LAMA2: variants seen among roughly 807,000 people sequenced by gnomAD.
LAMA2 encodes laminin subunit alpha-2.
Under a neutral mutation model 364.8 loss-of-function variants are expected in LAMA2, and 269 were observed. That is an observed-to-expected ratio of 0.74 (90% confidence interval 0.67 to 0.82). The LOEUF is 0.82. Ranked by LOEUF, LAMA2 falls within the 40% of genes least tolerant of loss-of-function variation. The pLI is 0.00. For synonymous variants in LAMA2, 1,379 were observed against 1,370.6 expected (o/e 1.01, Z -0.14); for missense variants, 3,807 against 3,873.2 (o/e 0.98, Z 0.45).
chr6:129,393,332 A>C (rs952167280), intron 37 of LAMA2, 77 bp downstream of exon 37: 10 of 1,033,852 alleles, frequency 9.7e-6, no homozygotes, highest in Non-Finnish European at 1.4e-5. Context: ...TGGCTGGACT[A>C]TTCAAGTTGA....
rs766668370 is a variant in LAMA2, at chr6:129,059,908, CT to C, written c.396+19del. On this transcript the variant is annotated intron_variant, in intron 3 of 64. Transcript: ENST00000421865. ...TGGATTTACAGCAGGTATAGTTCCT[CT>C]TTTTTTGTCATTTCCACTTTTGAAA... The C allele has an allele frequency of 7.8e-6, 11 of 1,407,508 alleles. No homozygotes were observed. Among genetic ancestry groups the C allele is most frequent in the Non-Finnish European group, 1.1e-5 (11 of 991,608 alleles). 87.2% of individuals were successfully genotyped at this position (1,407,508 alleles called of 1,614,324 possible).
chr6:128,929,818 G>A, intron 1 of LAMA2: 2 of 1,051,280 alleles, frequency 1.9e-6, no homozygotes, highest in Non-Finnish European at 3.0e-6. Flanking sequence ...AGTCTTGGTA[G>A]AAGATACGCA....
chr6:129,445,602 A>G (rs942342079), intron 44 of LAMA2, 65 bp from the exon 45 acceptor site: 2 of 1,355,706 alleles, frequency 1.5e-6, no homozygotes, highest in African/African-American at 2.9e-5. Context: ...GCATACTGCT[A>G]TTCTAATTCT....
chr6:129,333,882 A>G (rs943188058), intron 29 of LAMA2, among the ~76,000 whole-genome samples: 4 of 152,164 alleles, frequency 2.6e-5, no homozygotes, highest in Non-Finnish European at 5.9e-5. Flanking sequence ...CTTTTGACCA[A>G]TTGACTATTA....
chr6:129,458,357 CAGAAAA>C (rs1263365891), intron 48 of LAMA2, among the ~76,000 whole-genome samples: 1 of 151,900 alleles, frequency 6.6e-6, no homozygotes, highest in Non-Finnish European at 1.5e-5. Flanking sequence ...CTATCAGTCT[CAGAAAA>C]AGAAAGAAAA....
intron 1 of LAMA2, among the ~76,000 whole-genome samples, chr6:128,946,699 G>A (rs1461841195): frequency 6.6e-6 from 1 of 152,022 alleles, no homozygotes; most frequent in Non-Finnish European, 1.5e-5. Flanking sequence ...AAAAAGGATT[G>A]GATGATAATA....
chr6:128,936,682 T>A (rs1369495321), intron 1 of LAMA2, among the ~76,000 whole-genome samples: 1 of 152,350 alleles, frequency 6.6e-6, no homozygotes, highest in East Asian at 1.9e-4. Flanking sequence ...ATGTTGTCTC[T>A]CTCACTCCCC....
At chr6:129,455,446 A>T (rs1782910089) in intron 47 of LAMA2, among the ~76,000 whole-genome samples, 1 of 152,160 alleles carries the variant, frequency 6.6e-6, no homozygotes, top group Admixed American at 6.5e-5. Context: ...GAAAAGATAC[A>T]TTCTGTTAAA....
intron 37 of LAMA2, among the ~76,000 whole-genome samples, chr6:129,399,534 A>G (rs1779845124): frequency 6.6e-6 from 1 of 152,234 alleles, no homozygotes. Flanking sequence ...GGGAGTGAGC[A>G]GAGCTGTGAT....
chr6:129,394,638 C>T (rs1413953927), intron 37 of LAMA2, among the ~76,000 whole-genome samples: 3 of 152,140 alleles, frequency 2.0e-5, no homozygotes, highest in Non-Finnish European at 2.9e-5. Context: ...TCACCCTGCT[C>T]GGTGACACAC....
At chr6:129,263,631 G>C (rs1464145203) in intron 15 of LAMA2, among the ~76,000 whole-genome samples, 2 of 149,176 alleles carry the variant, frequency 1.3e-5, no homozygotes, top group African/African-American at 5.0e-5. Context: ...GAGGAGATTT[G>C]CACATATGAT....
rs200174642 is a variant in LAMA2 at position 128,962,193 on chromosome 6, T to C, written c.112+78836T>C. 1.1e-3 allele frequency among the ~76,000 whole-genome samples: 116 copies of C among 109,698 alleles called. 2 individuals are homozygous for C. Among genetic ancestry groups the C allele is most frequent in the Non-Finnish European group, 1.2e-3 (63 of 52,554 alleles). The allele number at this position is 109,698 out of a possible 152,430, so 72.0% of individuals were successfully genotyped here. A position where few individuals can be genotyped will look rare whatever the true frequency, so the allele number is the denominator to read the frequency against. ...ATATATATATATATATATACACACA[T>C]ACACACACACATACACATATTTATG... On this transcript the variant is annotated intron_variant, in intron 1 of 64. Transcript: ENST00000421865.
chr6:129,264,335 A>G (rs913458960), intron 15 of LAMA2, among the ~76,000 whole-genome samples: 5 of 151,784 alleles, frequency 3.3e-5, no homozygotes, highest in African/African-American at 1.2e-4. Flanking sequence ...TGAATGATTG[A>G]TCAGTTGGTT....
chr6:129,184,366 C>T (rs1177092492), intron 10 of LAMA2, among the ~76,000 whole-genome samples: 3 of 151,840 alleles, frequency 2.0e-5, no homozygotes, highest in Non-Finnish European at 4.4e-5. Flanking sequence ...CTTGCAACCC[C>T]TACAGTTCAA....
chr6:129,372,134 C>G (rs1370155133), intron 34 of LAMA2, among the ~76,000 whole-genome samples: 1 of 152,130 alleles, frequency 6.6e-6, no homozygotes, highest in Admixed American at 6.5e-5. Context: ...AGTCGATAAA[C>G]CTAAGTTGAC....
intron 32 of LAMA2, among the ~76,000 whole-genome samples, chr6:129,360,933 G>A (rs1777423612): frequency 6.6e-6 from 1 of 152,068 alleles, no homozygotes; most frequent in Non-Finnish European, 1.5e-5. Flanking sequence ...ACTTTCCTTG[G>A]AAATTTCTGG....
intron 12 of LAMA2, among the ~76,000 whole-genome samples, chr6:129,245,249 T>C (rs563369686): frequency 6.6e-6 from 1 of 152,276 alleles, no homozygotes; most frequent in African/African-American, 2.4e-5. Flanking sequence ...AAAAGAGATA[T>C]AATTTTCATC....
chr6:129,481,719 G>A (rs1583852477), intron 55 of LAMA2, among the ~76,000 whole-genome samples: 1 of 152,154 alleles, frequency 6.6e-6, no homozygotes, highest in African/African-American at 2.4e-5. Context: ...CATATGTAAA[G>A]AGGACAGCTT....
At chr6:128,983,329 A>C (rs1375321278) in intron 1 of LAMA2, among the ~76,000 whole-genome samples, 5 of 151,860 alleles carry the variant, frequency 3.3e-5, no homozygotes, top group Non-Finnish European at 5.9e-5. Flanking sequence ...ATGGTATCTC[A>C]TTGTGGTTTT....
Sources: gnomAD v4.1 joint callset for allele counts (sites outside exome capture counted in the v4.1 genomes callset) on GRCh38, gnomAD v4.1.1 for gene constraint, MANE v1.5 for transcripts, NCBI Gene and HGNC (gene_info 2026-07-23, HGNC 2026-07-21) for gene names.